Variants in CDH9 observed in about 807,000 individuals in gnomAD.
CDH9 encodes cadherin-9.
In CDH9, 28 loss-of-function variants were observed where a neutral mutation model predicts 70.9. That is an observed-to-expected ratio of 0.40 (90% CI 0.29 to 0.54). The LOEUF is 0.54. Ranked by LOEUF, CDH9 falls within the 20% of genes least tolerant of loss-of-function variation. The probability of loss-of-function intolerance (pLI) is 0.59; values close to 1 mark genes in which losing one functional copy is unlikely to be tolerated. For missense variants in CDH9, 874 were observed against 984.4 expected (o/e 0.89, Z 1.50); for synonymous variants, 409 against 343.1 (o/e 1.19, Z -2.12).
intron 2 of CDH9, among the ~76,000 whole-genome samples, chr5:26,965,576 A>AATAATAATAATAATG (rs1742115342): frequency 7.1e-6 from 1 of 140,246 alleles, no homozygotes; most frequent in African/African-American, 2.9e-5. Flanking sequence ...ACTCTGTCTT[A>AATAATAATAATAATG]ATAATAATAA....
chr5:26,951,291 C>CAAAAAAA lies in CDH9; in HGVS notation c.229-35374_229-35368dup, dbSNP rs796799417. 3.5e-5 allele frequency among the ~76,000 whole-genome samples: 3 copies of CAAAAAAA among 86,196 alleles called. 1 individual carries two copies. Among genetic ancestry groups the CAAAAAAA allele is most frequent in the Non-Finnish European group, 4.1e-5 (2 of 48,884 alleles). 56.5% of individuals were successfully genotyped at this position (86,196 alleles called of 152,430 possible). A position where few individuals can be genotyped will look rare whatever the true frequency, so the allele number is the denominator to read the frequency against. On this transcript the variant is annotated intron_variant, in intron 2 of 11. Transcript: ENST00000231021. ...TGGGTGACAGAGCAAGACTCTGTCTCAAAAAAAAAAAAAAAAAAAAAAAAA... is the reference window on the plus strand; with the variant it reads ...TGGGTGACAGAGCAAGACTCTGTCTCAAAAAAAAAAAAAAAAAAAAAAAAAAAAAAAA...
intron 2 of CDH9, among the ~76,000 whole-genome samples, chr5:26,921,742 G>A (rs1478553396): frequency 6.6e-6 from 1 of 152,052 alleles, no homozygotes; most frequent in Non-Finnish European, 1.5e-5. Context: ...TGCCTAAATG[G>A]TCTCTTTGCC....
At chr5:27,000,561 T>C (rs1742746443) in intron 1 of CDH9, among the ~76,000 whole-genome samples, 1 of 152,130 alleles carries the variant, frequency 6.6e-6, no homozygotes, top group African/African-American at 2.4e-5. Flanking sequence ...TGGAACAACT[T>C]CAGCCACAGT....
intron 1 of CDH9, among the ~76,000 whole-genome samples, chr5:27,017,414 A>T (rs1408193972): frequency 7.0e-6 from 1 of 143,624 alleles, no homozygotes; most frequent in African/African-American, 2.7e-5. Flanking sequence ...CTGTTTCACA[A>T]TGCTTGAGTC....
At chr5:26,909,294 A>C (rs943573737) in intron 3 of CDH9, among the ~76,000 whole-genome samples, 11 of 152,126 alleles carry the variant, frequency 7.2e-5, no homozygotes, top group Non-Finnish European at 1.6e-4. Flanking sequence ...TTTTATACTA[A>C]TTTTATAAAT....
chr5:26,944,802 G>T (rs1215595362), intron 2 of CDH9, among the ~76,000 whole-genome samples: 1 of 151,696 alleles, frequency 6.6e-6, no homozygotes, highest in Admixed American at 6.6e-5. Context: ...CCAAAAATAT[G>T]CATTTCAGCT....
chr5:26,978,939 T>G (rs1332848623), intron 2 of CDH9, among the ~76,000 whole-genome samples: 1 of 151,776 alleles, frequency 6.6e-6, no homozygotes, highest in Non-Finnish European at 1.5e-5. Context: ...ATAAAGATAT[T>G]TCTATTAACG....
intron 2 of CDH9, among the ~76,000 whole-genome samples, chr5:26,960,363 C>T (rs1413026745): frequency 6.6e-6 from 1 of 151,762 alleles, no homozygotes; most frequent in Non-Finnish European, 1.5e-5. Context: ...CTAAAATAAC[C>T]GAAAGGTTTA....
At chr5:26,964,635 T>G (rs548307486) in intron 2 of CDH9, among the ~76,000 whole-genome samples, 5 of 152,270 alleles carry the variant, frequency 3.3e-5, no homozygotes, top group African/African-American at 1.2e-4. Context: ...TTGAAGCCCT[T>G]TTTTTAATTG....
chr5:26,926,763 C>T (rs1043454406), intron 2 of CDH9, among the ~76,000 whole-genome samples: 6 of 151,930 alleles, frequency 3.9e-5, no homozygotes, highest in African/African-American at 1.5e-4. Context: ...ACCAACGGAA[C>T]AGAACAGAGG....
rs1275646917 is a variant in CDH9 at position 26,968,592 on chromosome 5, G to T, written c.228+19514C>A. ...TAAAAATGAATAGTTATTATCTCAA[G>T]TAAATGGCAAGCCAAATGGGTGGAG... is the stretch of plus-strand genomic sequence containing the variant. On this transcript the variant is annotated intron_variant, in intron 2 of 11. Transcript: ENST00000231021. Among the ~76,000 whole-genome samples the T allele has an allele frequency of 2.0e-5, 3 of 152,022 alleles. No homozygotes were observed. The East Asian group carries it at 5.8e-4, about 29-fold the overall frequency.
intron 3 of CDH9, among the ~76,000 whole-genome samples, chr5:26,909,163 TTTTAGTA>T (rs1377847886): frequency 6.6e-6 from 1 of 152,048 alleles, no homozygotes; most frequent in Non-Finnish European, 1.5e-5. Context: ...TTTTTTGTAT[TTTTAGTA>T]GAGACGGGGT....
chr5:26,890,398 T>G (rs758273778), intron 8 of CDH9, 30 bp downstream of exon 8: 3 of 1,598,588 alleles, frequency 1.9e-6, no homozygotes, highest in Non-Finnish European at 2.6e-6. Flanking sequence ...TGAAAGACAG[T>G]GTCTTCGGGT....
At position 26,906,746 on chromosome 5, in the gene CDH9, G is replaced by T. The variant is rs758928946; in HGVS notation, c.616C>A (p.Pro206Thr). 2 of 1,612,980 alleles carry T rather than the reference G, an allele frequency of 1.2e-6. No individual in the cohort carries two copies. Among genetic ancestry groups the T allele is most frequent in the Non-Finnish European group, 1.7e-6 (2 of 1,179,468 alleles). The change falls in exon 4 of 12, where the codon CCA (proline) becomes ACA (threonine). Residue 206 changes from proline to threonine, a missense_variant. Physicochemically the swap from Pro to Thr is conservative, Grantham distance 38. Coordinates refer to ENST00000231021, the MANE Select transcript of CDH9 (RefSeq NM_016279.4). ...GATTCTGGGTCCACTGAAAAATATG[G>T]CTGTCCTTGCAATATGCTATAGACC... ...KVVYSILQGQ[P>T]YFSVDPESGI...
chr5:27,004,110 G>GA lies in CDH9; in HGVS notation c.-49-15729dup, dbSNP rs59593576. 9.5e-3 allele frequency among the ~76,000 whole-genome samples: 1,017 copies of GA among 106,548 alleles called. 17 individuals carry two copies. The highest frequency in any genetic ancestry group is 0.035 in the South Asian group (101 of 2,860). The allele number at this position is 106,548 out of a possible 152,430, so 69.9% of individuals were successfully genotyped here. ...TATTGTGGTCAAAGAATGCCTCTCT[G>GA]AAAAAAAAAAAAAAAAAAAAGAGGG... On this transcript the variant is annotated intron_variant, in intron 1 of 11. Coordinates refer to ENST00000231021, the MANE Select transcript of CDH9 (RefSeq NM_016279.4).
At chr5:27,006,447 C>G (rs923133053) in intron 1 of CDH9, among the ~76,000 whole-genome samples, 1 of 152,012 alleles carries the variant, frequency 6.6e-6, no homozygotes, top group African/African-American at 2.4e-5. Flanking sequence ...GAGTTCTATT[C>G]TCCTCTATGC....
chr5:26,970,308 C>A (rs758672029), intron 2 of CDH9, among the ~76,000 whole-genome samples: 67 of 151,672 alleles, frequency 4.4e-4, no homozygotes, highest in Middle Eastern at 6.9e-3. Context: ...TCTTATTGTT[C>A]TTTCTGATCA....
intron 11 of CDH9, 76 bp downstream of exon 11, chr5:26,885,538 A>T: frequency 8.7e-7 from 1 of 1,153,238 alleles, no homozygotes; most frequent in South Asian, 1.3e-5. Context: ...GAAAATTGTT[A>T]TTCAGTGCAC....
chr5:26,888,798 A>G (rs148291755), intron 9 of CDH9, among the ~76,000 whole-genome samples: 7 of 152,286 alleles, frequency 4.6e-5, no homozygotes, highest in African/African-American at 1.4e-4. Flanking sequence ...AAATATTAAT[A>G]GCTACCTTCT....
Sources: allele counts gnomAD v4.1 joint callset (sites outside exome capture counted in the v4.1 genomes callset), GRCh38; gene constraint gnomAD v4.1.1; transcripts MANE v1.5; gene names NCBI Gene and HGNC (gene_info 2026-07-23, HGNC 2026-07-21).